The following GCNT2 variants were observed in gnomAD, a reference collection of about 807,000 sequenced individuals.
GCNT2 encodes N-acetyllactosaminide beta-1,6-N-acetylglucosaminyl-transferase.
A neutral mutation model predicts 34.2 loss-of-function variants in GCNT2; 34 were observed. The observed-to-expected ratio is 1.00, with a 90% CI of 0.76 to 1.32. GCNT2 has a LOEUF of 1.32. GCNT2 is among the 40% of genes most tolerant of loss of function. The pLI is 0.00. For synonymous variants in GCNT2, 212 were observed against 188.0 expected, an observed-to-expected ratio of 1.13 and a Z score of -1.04; for missense variants, 584 against 489.4, an observed-to-expected ratio of 1.19 and a Z score of -1.82.
At chr6:10,547,674 C>T (rs1049618251) in intron 3 of GCNT2, among the ~76,000 whole-genome samples, 1 of 152,208 alleles carries the variant, frequency 6.6e-6, no homozygotes, top group African/African-American at 2.4e-5. Context: ...CAAACAATCA[C>T]TCTCCAGTTT....
chr6:10,626,345 G>A (rs1436208126), intron 4 of GCNT2, 72 bp from the exon 5 acceptor site: 4 of 1,073,584 alleles, frequency 3.7e-6, no homozygotes, highest in Non-Finnish European at 5.8e-6. Context: ...AGTACCTCTA[G>A]TATTCTGTAA....
chr6:10,530,330 A>C (rs1051441228), intron 3 of GCNT2: 14 of 155,600 alleles, frequency 9.0e-5, no homozygotes, highest in African/African-American at 3.4e-4. Flanking sequence ...GTGCCACTGC[A>C]CTCCAGCCTG....
chr6:10,531,598 T>C (rs1761491630), intron 3 of GCNT2, among the ~76,000 whole-genome samples: 1 of 152,232 alleles, frequency 6.6e-6, no homozygotes, highest in Non-Finnish European at 1.5e-5. Flanking sequence ...CTTCATAGGC[T>C]TAGAATTCTC....
At position 10,529,662 on chromosome 6, in the gene GCNT2, A is replaced by T; in HGVS notation, c.751A>T (p.Lys251Ter). 6.2e-7 allele frequency: 1 copy of T among 1,614,046 alleles called. No homozygotes were observed. The highest frequency in any genetic ancestry group is 1.1e-5 in the South Asian group (1 of 91,072). The change falls in exon 3 of 5, where the codon AAA becomes TAA. Residue 251 changes from lysine (K) to a stop codon, truncating the protein, a stop_gained. Coordinates refer to ENST00000495262, the MANE Select transcript of GCNT2 (RefSeq NM_145649.5). LOFTEE classifies it high-confidence loss of function. ...CTACGTGATTAAAACAACAAAATTA[A>T]AAACTCCTCCTCCTCATGACATGGT... ...NSYVIKTTKLKTPPPHDMVIY... is the reference protein window; with the variant it reads ...NSYVIKTTKL
Position 10,537,975 on chromosome 6 carries a change from G to A in GCNT2, c.925+8139G>A, listed in dbSNP as rs555209888. Among the ~76,000 whole-genome samples the A allele has an allele frequency of 2.6e-5, 4 of 152,134 alleles. No homozygotes were observed. The East Asian group carries it at 7.7e-4, about 29-fold the overall frequency. On this transcript the variant is annotated intron_variant, in intron 3 of 4. Transcript: ENST00000495262. The stretch of plus-strand genomic sequence containing the variant: ...ATGATCTCATAGCTGACCGGGAGCT[G>A]GGGTGGCCTGCCACTGCTAGCATCA...
intron 3 of GCNT2, among the ~76,000 whole-genome samples, chr6:10,544,544 C>T (rs1460914623): frequency 6.6e-6 from 1 of 150,802 alleles, no homozygotes; most frequent in Non-Finnish European, 1.5e-5. Context: ...GCGGAGGTTG[C>T]AGTGAGCCGA....
chr6:10,578,508 A>G (rs1370978868), intron 3 of GCNT2, among the ~76,000 whole-genome samples: 1 of 126,060 alleles, frequency 7.9e-6, no homozygotes, highest in Non-Finnish European at 1.6e-5. Flanking sequence ...GTGTAGTGGC[A>G]TGATCTCGGC....
chr6:10,541,953 C>T (rs1762053180), intron 3 of GCNT2, among the ~76,000 whole-genome samples: 1 of 152,116 alleles, frequency 6.6e-6, no homozygotes, highest in Admixed American at 6.6e-5. Flanking sequence ...TTGCTGCTGC[C>T]AGAAAGCAGA....
intron 3 of GCNT2, among the ~76,000 whole-genome samples, chr6:10,550,339 CAT>C (rs1554128948): frequency 2.0e-5 from 3 of 151,202 alleles, no homozygotes; most frequent in Non-Finnish European, 4.4e-5. Context: ...TCCGGCCTAA[CAT>C]TTTTTTTTTC....
chr6:10,595,424 C>T (rs865814228), intron 3 of GCNT2, among the ~76,000 whole-genome samples: 2 of 152,000 alleles, frequency 1.3e-5, no homozygotes, highest in African/African-American at 4.8e-5. Context: ...ACTATAGGTG[C>T]CCGCCACCAC....
At chr6:10,569,885 TTTTC>T (rs1295976411) in intron 3 of GCNT2, among the ~76,000 whole-genome samples, 2 of 151,182 alleles carry the variant, frequency 1.3e-5, no homozygotes, top group Non-Finnish European at 3.0e-5. Flanking sequence ...TTCTCTTTCT[TTTTC>T]TTTCTTTCCT....
intron 3 of GCNT2, among the ~76,000 whole-genome samples, chr6:10,542,202 GAC>G (rs1367311445): frequency 2.0e-5 from 3 of 151,578 alleles, no homozygotes; most frequent in African/African-American, 7.2e-5. Flanking sequence ...ACAACAGATC[GAC>G]AGAGTTACAG....
chr6:10,607,547 G>A (rs1242874523), intron 3 of GCNT2, among the ~76,000 whole-genome samples: 1 of 151,994 alleles, frequency 6.6e-6, no homozygotes, highest in Non-Finnish European at 1.5e-5. Flanking sequence ...TTTGCGCAGG[G>A]ACACAGATCC....
At chr6:10,576,704 A>G (rs1763831296) in intron 3 of GCNT2, among the ~76,000 whole-genome samples, 1 of 151,180 alleles carries the variant, frequency 6.6e-6, no homozygotes, top group Admixed American at 6.6e-5. Flanking sequence ...AGAGACACAC[A>G]CATAGAAAGA....
intron 3 of GCNT2, among the ~76,000 whole-genome samples, chr6:10,606,172 G>A (rs933282891): frequency 4.6e-5 from 7 of 152,188 alleles, no homozygotes; most frequent in Admixed American, 2.0e-4. Flanking sequence ...AAAATTAGCC[G>A]GGTGTGGTGG....
chr6:10,538,928 T>G (rs1424540030), intron 3 of GCNT2, among the ~76,000 whole-genome samples: 1 of 152,152 alleles, frequency 6.6e-6, no homozygotes, highest in Non-Finnish European at 1.5e-5. Flanking sequence ...GGACCTATCT[T>G]AATTTTATAC....
rs941898890 is a variant in GCNT2 at position 10,558,812 on chromosome 6, G to C, written c.925+28976G>C. Among the ~76,000 whole-genome samples, 5 of 152,332 alleles carry C rather than the reference G, an allele frequency of 3.3e-5. No homozygotes were observed. In the South Asian group the frequency reaches 1.0e-3, roughly 32 times the overall value. On this transcript the variant is annotated intron_variant, in intron 3 of 4. Transcript: ENST00000495262. ...CTTTCCTGGTGAATGCGGCTCACTCGTATGCTGCGCACACTGTTTCCGCAC... is the reference window on the plus strand; with the variant it reads ...CTTTCCTGGTGAATGCGGCTCACTCCTATGCTGCGCACACTGTTTCCGCAC...
chr6:10,534,821 C>T (rs1308676384), intron 3 of GCNT2, among the ~76,000 whole-genome samples: 1 of 152,066 alleles, frequency 6.6e-6, no homozygotes, highest in Middle Eastern at 3.2e-3. Context: ...GCAATAGCAC[C>T]ACTACCCTCA....
At position 10,588,785 on chromosome 6, in the gene GCNT2, ATGTGTGTG is replaced by A. The variant is rs60988454; in HGVS notation, c.926-32549_926-32542del. ...GTGGTGTGTTTGTAGTGTGTGTGTGATGTGTGTGTGTGTGTGTGTGTGTGGTGTATGTG... is the reference window on the plus strand; with the variant it reads ...GTGGTGTGTTTGTAGTGTGTGTGTGATGTGTGTGTGTGTGTGGTGTATGTG... On this transcript the variant is annotated intron_variant, in intron 3 of 4. Coordinates refer to ENST00000495262, the MANE Select transcript of GCNT2 (RefSeq NM_145649.5). Among the ~76,000 whole-genome samples the A allele has an allele frequency of 7.6e-4, 103 of 135,266 alleles. 1 individual carries two copies. The East Asian group carries it at 0.015, about 20-fold the overall frequency. The allele number at this position is 135,266 out of a possible 152,430, so 88.7% of individuals were successfully genotyped here. A position where few individuals can be genotyped will look rare whatever the true frequency, so the allele number is the denominator to read the frequency against.
Sources: gnomAD v4.1 joint callset for allele counts (sites outside exome capture counted in the v4.1 genomes callset) on GRCh38, gnomAD v4.1.1 for gene constraint, MANE v1.5 for transcripts, NCBI Gene and HGNC (gene_info 2026-07-23, HGNC 2026-07-21) for gene names.